GALNS: variants seen among roughly 807,000 people sequenced by gnomAD.
GALNS encodes the protein galactosamine (N-acetyl)-6-sulfatase.
A neutral mutation model predicts 65.9 loss-of-function variants in GALNS; 65 were observed. The observed-to-expected ratio is 0.99, with a 90% confidence interval of 0.81 to 1.21. The LOEUF (loss-of-function observed/expected upper bound fraction) is 1.21. Among genes scored for constraint, GALNS ranks in the 50% most tolerant of loss-of-function variants. The pLI, the probability that GALNS is intolerant of heterozygous loss-of-function variation, is 0.00. For synonymous variants in GALNS, 346 were observed against 288.9 expected, an observed-to-expected ratio of 1.20 and a Z score of -2.00; for missense variants, 776 against 700.7, an observed-to-expected ratio of 1.11 and a Z score of -1.21.
Position 88,822,661 on chromosome 16 carries a change from T to G in GALNS, c.1292A>C (p.Asn431Thr). The change falls in exon 12 of 14, where the codon AAT becomes ACT. Residue 431 changes from asparagine (N) to threonine (T), a missense_variant. By Grantham distance (65) the Asn-to-Thr change is moderately conservative. Coordinates refer to ENST00000268695, the MANE Select transcript of GALNS (RefSeq NM_000512.5). ...GGGCAGCTTCGTGTGGTCTTCCAGA[T>G]TGTGAGTTGTGACCCCTGAAACGTT... ...GQNVSGVTTHNLEDHTKLPLI... is the reference protein window; with the variant it reads ...GQNVSGVTTHTLEDHTKLPLI... 16 of 1,612,990 alleles carry G rather than the reference T, an allele frequency of 9.9e-6. No individual in the cohort carries two copies. Among genetic ancestry groups the G allele is most frequent in the Non-Finnish European group, 1.4e-5 (16 of 1,179,726 alleles).
Position 88,842,965 on chromosome 16 carries a change from G to T in GALNS, c.121-136C>A. 2.6e-6 allele frequency: 4 copies of T among 1,529,792 alleles called. No homozygotes were observed. The South Asian group carries it at 4.8e-5, about 18-fold the overall frequency. The allele number at this position is 1,529,792 out of a possible 1,614,324, so 94.8% of individuals were successfully genotyped here. A position where few individuals can be genotyped will look rare whatever the true frequency, so the allele number is the denominator to read the frequency against. ...ACCCTGTGTCCCAGCCAGCGGCAGA[G>T]CTCGGCCAAACCCCAGCATCGCCTG... On this transcript the variant is annotated intron_variant, in intron 1 of 13. Transcript: ENST00000268695.
Position 88,832,085 on chromosome 16 carries a change from GGGGCC to G in GALNS, c.910_914del (p.Gly304LeufsTer10). On this transcript the variant is annotated frameshift_variant, in exon 9 of 14. Transcript: ENST00000268695. LOFTEE classifies it high-confidence loss of function. ...ACGTGGTCTGCTTCCCACACAGAAA[GGGGCC>G]GTTGCTGCCACCTGGGAGAGAGGGG... 1 of 1,613,856 alleles carries G rather than the reference GGGGCC, an allele frequency of 6.2e-7. No individual in the cohort carries two copies. Among genetic ancestry groups the G allele is most frequent in the African/African-American group, 1.3e-5 (1 of 74,996 alleles).
In GALNS at chr16:88,853,484, G is replaced by A. The variant is rs142839477; in HGVS notation, c.120+3274C>T. On this transcript the variant is annotated intron_variant, in intron 1 of 13. Transcript: ENST00000268695. The stretch of plus-strand genomic sequence containing the variant: ...CCTCCCCGGACTCTGGTGGCTCGAC[G>A]AGGCTGCTGTGGCAACAGGAGCTGG... 5.2e-3 allele frequency among the ~76,000 whole-genome samples: 789 copies of A among 152,264 alleles called. 2 individuals carry two copies. Among genetic ancestry groups the A allele is most frequent in the Middle Eastern group, 0.01 (3 of 294 alleles).
chr16:88,852,112 C>T (rs1252673683), intron 1 of GALNS, among the ~76,000 whole-genome samples: 1 of 152,192 alleles, frequency 6.6e-6, no homozygotes, highest in Non-Finnish European at 1.5e-5. Flanking sequence ...CAGTAGGGGC[C>T]CACTGACACC....
At chr16:88,838,189 G>A (rs2143002707) in intron 4 of GALNS, among the ~76,000 whole-genome samples, 1 of 152,316 alleles carries the variant, frequency 6.6e-6, no homozygotes, top group East Asian at 1.9e-4. Context: ...TTCCAGGGCA[G>A]AAAATATTTC....
rs1597515354 is a variant in GALNS, at chr16:88,814,453, G to A, written c.1555C>T (p.Leu519Phe). 1 of 1,561,400 alleles carries A rather than the reference G, an allele frequency of 6.4e-7. No homozygotes were observed. The highest frequency in any genetic ancestry group is 8.7e-7 in the Non-Finnish European group (1 of 1,152,258). Residue 519 changes from leucine (L) to phenylalanine (F), a missense_variant, in exon 14 of 14, where the codon CTC becomes TTC. Transcript: ENST00000268695. ...TPPESIPKKC[L>F]WSH Reference sequence around the variant, plus strand: ...CTGCGCAGGTGCTAGTGGGACCAGAGGCACTTCTTGGGAATGGATTCTGGA... The same window carrying A: ...CTGCGCAGGTGCTAGTGGGACCAGAAGCACTTCTTGGGAATGGATTCTGGA...
intron 1 of GALNS, chr16:88,855,916 T>A (rs1967820666): frequency 7.4e-6 from 4 of 542,920 alleles, no homozygotes; most frequent in African/African-American, 3.8e-5. Flanking sequence ...GTCCCAGTCC[T>A]CACACACAAC....
Position 88,816,409 on chromosome 16 carries a change from A to G in GALNS, c.1482+1598T>C, listed in dbSNP as rs1170616048. The G allele has an allele frequency of 9.1e-6, 9 of 985,262 alleles. No individual in the cohort carries two copies. In the South Asian group the frequency reaches 3.3e-4, roughly 36 times the overall value. 61.0% of individuals were successfully genotyped at this position (985,262 alleles called of 1,614,324 possible). ...CCCCGAGACTCAGGGGTCCTGAGAC[A>G]GGGACCTCCCTGCTCCACCACTGAG... is the stretch of plus-strand genomic sequence containing the variant. On this transcript the variant is annotated intron_variant, in intron 13 of 13. Transcript: ENST00000268695.
rs959844355 is a variant in GALNS at position 88,814,051 on chromosome 16, A to G, written c.*388T>C. On this transcript the variant is annotated 3_prime_UTR_variant, in exon 14 of 14. Transcript: ENST00000268695. Reference sequence around the variant, plus strand: ...TGTCTCCCTAAGATGTATAAAGGCAAACTGTATCCCCAGCCACCTCAGGCA... The same window carrying G: ...TGTCTCCCTAAGATGTATAAAGGCAGACTGTATCCCCAGCCACCTCAGGCA... The G allele has an allele frequency of 1.9e-5, 7 of 361,948 alleles. No individual in the cohort carries two copies. The highest frequency in any genetic ancestry group is 1.5e-4 in the African/African-American group (7 of 47,588). The allele number at this position is 361,948 out of a possible 1,614,324, so 22.4% of individuals were successfully genotyped here.
intron 5 of GALNS, among the ~76,000 whole-genome samples, chr16:88,836,926 GT>G (rs1434878934): frequency 6.6e-6 from 1 of 152,206 alleles, no homozygotes; most frequent in Non-Finnish European, 1.5e-5. Flanking sequence ...TACAGTGCTG[GT>G]TGTCCCAGCC....
At chr16:88,855,679 T>C (rs967956948) in intron 1 of GALNS, 9 of 595,542 alleles carry the variant, frequency 1.5e-5, no homozygotes, top group Non-Finnish European at 2.4e-5. Context: ...AAGTGAGATA[T>C]TTTACATTAT....
At chr16:88,850,719 G>A (rs1967468490) in intron 1 of GALNS, among the ~76,000 whole-genome samples, 2 of 152,226 alleles carry the variant, frequency 1.3e-5, no homozygotes, top group Admixed American at 6.5e-5. Flanking sequence ...GGAGCCACAC[G>A]GGACGCTCGG....
chr16:88,851,515 T>G (rs1165187778), intron 1 of GALNS, among the ~76,000 whole-genome samples: 1 of 152,048 alleles, frequency 6.6e-6, no homozygotes, highest in African/African-American at 2.4e-5. Context: ...GGTTGGACAG[T>G]GAGTGCAGCC....
intron 3 of GALNS, 98 bp from the exon 4 acceptor site, chr16:88,841,192 A>G (rs956619122): frequency 1.3e-5 from 12 of 905,918 alleles, no homozygotes; most frequent in Non-Finnish European, 2.0e-5. Flanking sequence ...ACACATCCTA[A>G]CAGGACACTG....
chr16:88,847,247 T>G (rs1215594759), intron 1 of GALNS, among the ~76,000 whole-genome samples: 6 of 152,170 alleles, frequency 3.9e-5, no homozygotes, highest in African/African-American at 1.4e-4. Context: ...GGCACACACC[T>G]GTAATCCCAG....
intron 12 of GALNS, among the ~76,000 whole-genome samples, chr16:88,819,339 T>A (rs1909963985): frequency 6.6e-6 from 1 of 152,230 alleles, no homozygotes; most frequent in Non-Finnish European, 1.5e-5. Context: ...ATGCCTGTCC[T>A]GGTCCCAGCC....
chr16:88,855,755 C>T, intron 1 of GALNS: 1 of 547,286 alleles, frequency 1.8e-6, no homozygotes, highest in Non-Finnish European at 3.2e-6. Context: ...ATTCCGACAG[C>T]CACGACTGCC....
intron 8 of GALNS, among the ~76,000 whole-genome samples, chr16:88,833,368 T>G (rs1029829062): frequency 4.0e-5 from 6 of 151,846 alleles, no homozygotes; most frequent in African/African-American, 1.2e-4. Context: ...ACTGGCCACT[T>G]CTAGGGGACA....
chr16:88,818,009 T>C lies in GALNS; in HGVS notation c.1480A>G (p.Met494Val), dbSNP rs1401175486. 6 of 1,581,014 alleles carry C rather than the reference T, an allele frequency of 3.8e-6. No homozygotes were observed. The highest frequency in any genetic ancestry group is 4.3e-6 in the Non-Finnish European group (5 of 1,169,244). The change falls in exon 13 of 14, where the codon ATG becomes GTG. Residue 494 changes from methionine (M) to valine (V), a missense_variant and splice_region_variant. Coordinates refer to ENST00000268695, the MANE Select transcript of GALNS (RefSeq NM_000512.5). ...PQLNVCNWAV[M>V]NWAPPGCEKL... ...CCGCCCACACACCAGCCACTTACCATGACCGCCCAGTTGCACACGTTGAGC... is the reference window on the plus strand; with the variant it reads ...CCGCCCACACACCAGCCACTTACCACGACCGCCCAGTTGCACACGTTGAGC...
Sources: allele counts gnomAD v4.1 joint callset (sites outside exome capture counted in the v4.1 genomes callset), GRCh38; gene constraint gnomAD v4.1.1; transcripts MANE v1.5; gene names NCBI Gene and HGNC (gene_info 2026-07-23, HGNC 2026-07-21).